The following SEMA5B variants were observed in gnomAD, a reference collection of about 807,000 sequenced individuals.
The protein encoded by SEMA5B is semaphorin 5B, also known as semaphorin-5B.
SEMA5B carries 66 observed loss-of-function variants against 135.0 expected under a neutral mutation model. The observed-to-expected ratio is 0.49, with a 90% CI of 0.40 to 0.60. The LOEUF (loss-of-function observed/expected upper bound fraction) is 0.60. SEMA5B is among the 20% of genes least tolerant of loss of function. The pLI is 0.00. For synonymous variants in SEMA5B, 690 were observed against 639.5 expected, an observed-to-expected ratio of 1.08 and a Z score of -1.19; for missense variants, 1,501 against 1,566.3, an observed-to-expected ratio of 0.96 and a Z score of 0.70.
At chr3:123,001,744 G>C (rs1268203114) in intron 1 of SEMA5B, among the ~76,000 whole-genome samples, 1 of 152,192 alleles carries the variant, frequency 6.6e-6, no homozygotes, top group Non-Finnish European at 1.5e-5. Flanking sequence ...AGCCAGGCAA[G>C]GTACTTAGTG....
At chr3:122,967,002 A>G (rs899861034) in intron 1 of SEMA5B, among the ~76,000 whole-genome samples, 62 of 151,472 alleles carry the variant, frequency 4.1e-4, no homozygotes, top group African/African-American at 1.4e-3. Flanking sequence ...CTCCTGCCTC[A>G]GCCTCCTGAG....
intron 1 of SEMA5B, among the ~76,000 whole-genome samples, chr3:123,018,482 C>T (rs776070555): frequency 1.3e-5 from 2 of 152,330 alleles, no homozygotes; most frequent in South Asian, 2.1e-4. Flanking sequence ...ATGCCCTCCA[C>T]GAAGCACACT....
chr3:123,021,493 C>T (rs572122305), intron 1 of SEMA5B, among the ~76,000 whole-genome samples: 5 of 152,348 alleles, frequency 3.3e-5, no homozygotes, highest in African/African-American at 1.2e-4. Flanking sequence ...GAGTTGGGTG[C>T]TTCACACACT....
rs776419233 is a variant in SEMA5B, at chr3:122,913,005, C to T, written c.2563G>A (p.Gly855Ser). 5 of 1,604,280 alleles carry T rather than the reference C, an allele frequency of 3.1e-6. No homozygotes were observed. In the African/African-American group the frequency reaches 5.4e-5, roughly 17 times the overall value. The change falls in exon 18 of 23, where the codon GGC becomes AGC. Residue 855 changes from glycine (G) to serine (S), a missense_variant. By Grantham distance (56) the Gly-to-Ser change is moderately conservative. Around this residue, in one of 2 missense-constraint regions of SEMA5B, gnomAD observed 927 missense variants for 881.6 expected, o/e 1.05. Coordinates refer to ENST00000357599, the MANE Select transcript of SEMA5B (RefSeq NM_001031702.4). Reference protein sequence around the residue: ...GSTSPHTVSGGWAAWGPWSSC... With the variant: ...GSTSPHTVSGSWAAWGPWSSC... ...GACCACGGGCCCCAGGCGGCCCAGCCCCCGCTCACCGTGTGCGGGGAGGTG... is the reference window on the plus strand; with the variant it reads ...GACCACGGGCCCCAGGCGGCCCAGCTCCCGCTCACCGTGTGCGGGGAGGTG...
chr3:123,019,966 G>A (rs1056441095), intron 1 of SEMA5B, among the ~76,000 whole-genome samples: 6 of 152,196 alleles, frequency 3.9e-5, no homozygotes, highest in Non-Finnish European at 8.8e-5. Flanking sequence ...CCTCAGAGGA[G>A]AGCAGTGAAA....
intron 5 of SEMA5B, among the ~76,000 whole-genome samples, chr3:122,932,603 G>A (rs1339552279): frequency 6.6e-6 from 1 of 151,982 alleles, no homozygotes; most frequent in African/African-American, 2.4e-5. Flanking sequence ...TCAATATCCC[G>A]CTGGGCAGCA....
chr3:122,912,212 C>A lies in SEMA5B; in HGVS notation c.2856G>T (p.Leu952=). 6.2e-7 allele frequency: 1 copy of A among 1,604,366 alleles called. No homozygotes were observed. The highest frequency in any genetic ancestry group is 8.5e-7 in the Non-Finnish European group (1 of 1,174,166). The change falls in exon 19 of 23, where the codon CTG becomes CTT. Residue 952 remains leucine, a synonymous_variant. Transcript: ENST00000357599. ...PSPGEDICLG[L]HTEEALCATQ... is the part of the protein sequence containing the mutation. ...TGGCACATAGTGCCTCCTCCGTGTGCAGCCCGAGACAGATGTCCTCACCTG... is the reference window on the plus strand; with the variant it reads ...TGGCACATAGTGCCTCCTCCGTGTGAAGCCCGAGACAGATGTCCTCACCTG...
intron 2 of SEMA5B, among the ~76,000 whole-genome samples, chr3:122,960,238 T>C (rs962799881): frequency 2.0e-5 from 3 of 152,224 alleles, no homozygotes; most frequent in Non-Finnish European, 4.4e-5. Flanking sequence ...AGTAAGTTTC[T>C]TCACATCCAG....
At chr3:122,962,314 C>T (rs774685203) in intron 1 of SEMA5B, among the ~76,000 whole-genome samples, 13 of 152,184 alleles carry the variant, frequency 8.5e-5, no homozygotes, top group Non-Finnish European at 7.3e-5. Flanking sequence ...TAGCAGCCAG[C>T]AAATGGATCC....
At chr3:122,927,717 A>C in intron 8 of SEMA5B, 73 bp downstream of exon 8, 2 of 1,143,288 alleles carry the variant, frequency 1.7e-6, no homozygotes, top group Non-Finnish European at 1.2e-6. Flanking sequence ...AGGAGGATGA[A>C]TGGGGGGCTC....
In SEMA5B at chr3:122,915,866, C is replaced by G. The variant is rs9812408; in HGVS notation, c.1713G>C (p.Pro571=). The G allele has an allele frequency of 1.2e-6, 2 of 1,613,886 alleles. No homozygotes were observed. The highest frequency in any genetic ancestry group is 1.7e-6 in the Non-Finnish European group (2 of 1,179,938). The part of the protein sequence containing the change: ...SQGACLGARD[P]YCGWDGKQQR... ...GCTGCTTCCCGTCCCAGCCACAGTA[C>G]GGGTCCCGGGCCCCCAGGCATGCCC... The change falls in exon 13 of 23, where the codon CCG becomes CCC. Residue 571 remains proline, a synonymous_variant. Transcript: ENST00000357599.
At chr3:122,970,584 C>T (rs2107643178) in intron 1 of SEMA5B, among the ~76,000 whole-genome samples, 2 of 152,316 alleles carry the variant, frequency 1.3e-5, no homozygotes, top group Admixed American at 1.3e-4. Flanking sequence ...GGTGTCAGCT[C>T]AAGAGGTAAT....
At chr3:122,962,678 T>A (rs1251294245) in intron 1 of SEMA5B, among the ~76,000 whole-genome samples, 1 of 152,216 alleles carries the variant, frequency 6.6e-6, no homozygotes, top group Non-Finnish European at 1.5e-5. Flanking sequence ...AATTTTTCAG[T>A]AACACATAAA....
intron 1 of SEMA5B, among the ~76,000 whole-genome samples, chr3:122,979,645 C>T (rs1040922267): frequency 1.3e-5 from 2 of 152,150 alleles, no homozygotes; most frequent in African/African-American, 2.4e-5. Context: ...TCCTTTCTGT[C>T]CTGGGATCCA....
rs369489361 is a variant in SEMA5B, at chr3:122,927,881, G to A, written c.759C>T (p.Ile253=). The part of the protein sequence containing the change: ...SQGELYAATV[I]DFSGRDPAIY... ...TGGCAGGGTCCCGACCTGAGAAGTC[G>A]ATGACCGTGGCTGCATAGAGCTCCC... is the stretch of plus-strand genomic sequence containing the variant. Residue 253 remains isoleucine (I), a synonymous_variant, in exon 8 of 23, where the codon ATC becomes ATT. Coordinates refer to ENST00000357599, the MANE Select transcript of SEMA5B (RefSeq NM_001031702.4). 4.4e-6 allele frequency: 7 copies of A among 1,595,898 alleles called. No homozygotes were observed. The highest frequency in any genetic ancestry group is 3.5e-5 in the Admixed American group (2 of 57,966).
intron 1 of SEMA5B, among the ~76,000 whole-genome samples, chr3:122,977,405 C>A (rs960504212): frequency 1.3e-5 from 2 of 152,138 alleles, no homozygotes; most frequent in Non-Finnish European, 2.9e-5. Flanking sequence ...ATACTCATAC[C>A]GAAATACTCT....
intron 14 of SEMA5B, among the ~76,000 whole-genome samples, chr3:122,914,209 T>G (rs898076668): frequency 6.6e-6 from 1 of 152,232 alleles, no homozygotes; most frequent in Admixed American, 6.5e-5. Context: ...ATTGAGAGCC[T>G]TCTTCTATAT....
At chr3:122,912,407 C>T in intron 18 of SEMA5B, 65 bp from the exon 19 acceptor site, 2 of 1,415,360 alleles carry the variant, frequency 1.4e-6, no homozygotes, top group Non-Finnish European at 1.9e-6. Flanking sequence ...GTCTTCCATC[C>T]CATACCAGCC....
At chr3:122,948,088 G>A (rs760196392) in intron 3 of SEMA5B, among the ~76,000 whole-genome samples, 4 of 152,156 alleles carry the variant, frequency 2.6e-5, no homozygotes, top group Non-Finnish European at 2.9e-5. Context: ...TTGCACCGGG[G>A]TTTCCCAAGA....
Sources: allele counts gnomAD v4.1 joint callset (sites outside exome capture counted in the v4.1 genomes callset), GRCh38; gene constraint gnomAD v4.1.1; regional missense constraint gnomAD v4.1.1; transcripts MANE v1.5; gene names NCBI Gene and HGNC (gene_info 2026-07-23, HGNC 2026-07-21).